PDZRN4: variants seen among roughly 807,000 people sequenced by gnomAD.
PDZRN4 encodes the protein PDZ domain-containing RING finger protein 4.
A neutral mutation model predicts 99.0 loss-of-function variants in PDZRN4; 70 were observed. That is an observed-to-expected ratio of 0.71 (90% confidence interval 0.58 to 0.86). The LOEUF (loss-of-function observed/expected upper bound fraction) is 0.86, where lower values mean the gene tolerates loss of function less well. Ranked by LOEUF, PDZRN4 falls within the 40% of genes least tolerant of loss-of-function variation. PDZRN4 has a pLI of 0.00. For synonymous variants in PDZRN4, 551 were observed against 501.6 expected (o/e 1.10, Z -1.32); for missense variants, 1,474 against 1,331.2 (o/e 1.11, Z -1.67).
At chr12:41,227,913 ACACACAC>A (rs1231838843) in intron 3 of PDZRN4, among the ~76,000 whole-genome samples, 1 of 114,972 alleles carries the variant, frequency 8.7e-6, no homozygotes, top group Non-Finnish European at 1.8e-5. Context: ...ACACACACAC[ACACACAC>A]CAGAAGGGTT....
rs562897836 is a variant in PDZRN4 at position 41,305,638 on chromosome 12, A to G, written c.843+111450A>G. 1.3e-4 allele frequency among the ~76,000 whole-genome samples: 20 copies of G among 152,206 alleles called. No homozygotes were observed. The East Asian group carries it at 3.9e-3, about 29-fold the overall frequency. The stretch of plus-strand genomic sequence containing the variant: ...ATGGTCACTCCATCCACAGGACCTC[A>G]TCTAAACCTAATTACCTCCAAAAAG... On this transcript the variant is annotated intron_variant, in intron 3 of 9. Transcript: ENST00000402685.
intron 5 of PDZRN4, among the ~76,000 whole-genome samples, chr12:41,521,415 A>T (rs1938491052): frequency 6.6e-6 from 1 of 152,144 alleles, no homozygotes; most frequent in African/African-American, 2.4e-5. Flanking sequence ...AAAAAAAGTT[A>T]TACATTGTAT....
chr12:41,543,578 T>C (rs1055839658), intron 5 of PDZRN4, among the ~76,000 whole-genome samples: 1 of 152,204 alleles, frequency 6.6e-6, no homozygotes, highest in Non-Finnish European at 1.5e-5. Context: ...CAAAGGTTTA[T>C]TGTTTTAGAT....
chr12:41,518,433 T>G (rs1445681946), intron 5 of PDZRN4, among the ~76,000 whole-genome samples: 1 of 152,068 alleles, frequency 6.6e-6, no homozygotes, highest in Non-Finnish European at 1.5e-5. Context: ...TCAGCAATTT[T>G]TCCAGATTTT....
chr12:41,323,618 A>G (rs549597673), intron 3 of PDZRN4, among the ~76,000 whole-genome samples: 5 of 152,124 alleles, frequency 3.3e-5, no homozygotes, highest in African/African-American at 1.2e-4. Context: ...ATTTTATATA[A>G]TTTGAAATAT....
intron 3 of PDZRN4, among the ~76,000 whole-genome samples, chr12:41,363,543 A>G (rs6582331): frequency 0.99 from 149,841 of 152,108 alleles, 73,853 homozygotes; most frequent in Middle Eastern, 1. Flanking sequence ...CATCTGTTCC[A>G]GATGCATCTG....
chr12:41,257,486 T>A lies in PDZRN4; in HGVS notation c.843+63298T>A, dbSNP rs1011032304. Among the ~76,000 whole-genome samples, 28 of 152,114 alleles carry A rather than the reference T, an allele frequency of 1.8e-4. 1 individual carries two copies. Among genetic ancestry groups the A allele is most frequent in the African/African-American group, 6.8e-4 (28 of 41,410 alleles). On this transcript the variant is annotated intron_variant, in intron 3 of 9. Coordinates refer to ENST00000402685, the MANE Select transcript of PDZRN4 (RefSeq NM_001164595.2). The stretch of plus-strand genomic sequence containing the variant: ...AGATTTAGAACATAGCAATGGTGAG[T>A]CAACTGCACAGGAGAGGTAACTGAA...
intron 3 of PDZRN4, among the ~76,000 whole-genome samples, chr12:41,295,826 A>C (rs531548708): frequency 5.3e-4 from 81 of 152,306 alleles, no homozygotes; most frequent in South Asian, 6.2e-4. Flanking sequence ...TGGGTGGAAG[A>C]ATGGTGAAAT....
chr12:41,488,128 C>CT (rs1416323474), intron 3 of PDZRN4, among the ~76,000 whole-genome samples: 1 of 152,138 alleles, frequency 6.6e-6, no homozygotes, highest in Non-Finnish European at 1.5e-5. Context: ...GTATCACTGC[C>CT]TTTTAGCCGT....
Position 41,188,326 on chromosome 12 carries a change from C to T in PDZRN4, c.-130C>T. The stretch of plus-strand genomic sequence containing the variant: ...AAGCCAAACAAACAGTGAGATCACA[C>T]CTCCCACCCGCCACCTCCCTCCACT... On this transcript the variant is annotated 5_prime_UTR_variant, in exon 1 of 10. Transcript: ENST00000402685. The T allele has an allele frequency of 1.1e-5, 9 of 802,608 alleles. No homozygotes were observed. The South Asian group carries it at 1.3e-4, about 12-fold the overall frequency. 49.7% of individuals were successfully genotyped at this position (802,608 alleles called of 1,614,324 possible).
chr12:41,378,003 A>T (rs374230730), intron 3 of PDZRN4, among the ~76,000 whole-genome samples: 73 of 152,282 alleles, frequency 4.8e-4, no homozygotes, highest in South Asian at 2.9e-3. Flanking sequence ...TATCGCTAGA[A>T]TTTCCAGTAC....
intron 3 of PDZRN4, among the ~76,000 whole-genome samples, chr12:41,319,580 C>T (rs1443467087): frequency 1.3e-5 from 2 of 152,138 alleles, no homozygotes; most frequent in Non-Finnish European, 2.9e-5. Context: ...AAATCTCTTT[C>T]CTCCTCCTTT....
rs890914593 is a variant in PDZRN4, at chr12:41,303,139, A to T, written c.843+108951A>T. 5.3e-5 allele frequency among the ~76,000 whole-genome samples: 8 copies of T among 152,250 alleles called. No homozygotes were observed. In the East Asian group the frequency reaches 1.5e-3, roughly 29 times the overall value. On this transcript the variant is annotated intron_variant, in intron 3 of 9. Coordinates refer to ENST00000402685, the MANE Select transcript of PDZRN4 (RefSeq NM_001164595.2). ...CACATGATCTCATGGCAGGATAAAGACGGTCTTCAGGGAGACTCCACAGTA... is the reference window on the plus strand; with the variant it reads ...CACATGATCTCATGGCAGGATAAAGTCGGTCTTCAGGGAGACTCCACAGTA...
At chr12:41,346,393 C>A (rs1352599326) in intron 3 of PDZRN4, among the ~76,000 whole-genome samples, 4 of 152,076 alleles carry the variant, frequency 2.6e-5, no homozygotes, top group Admixed American at 2.6e-4. Flanking sequence ...ACCTGGGAGG[C>A]GGAGCTTGCA....
chr12:41,411,102 T>C (rs1232518792), intron 3 of PDZRN4, among the ~76,000 whole-genome samples: 2 of 151,420 alleles, frequency 1.3e-5, no homozygotes, highest in East Asian at 3.9e-4. Flanking sequence ...TGTCCCACTA[T>C]GTTGTCCAGA....
At chr12:41,223,331 T>C (rs1364935492) in intron 3 of PDZRN4, among the ~76,000 whole-genome samples, 1 of 152,128 alleles carries the variant, frequency 6.6e-6, no homozygotes, top group Non-Finnish European at 1.5e-5. Context: ...TCAGTAAAAT[T>C]TTCTAAATTC....
intron 4 of PDZRN4, among the ~76,000 whole-genome samples, chr12:41,508,939 C>CT (rs1938256356): frequency 6.6e-6 from 1 of 152,110 alleles, no homozygotes; most frequent in Non-Finnish European, 1.5e-5. Flanking sequence ...TGTATTTAGG[C>CT]TTTTTCAGTG....
At chr12:41,198,822 T>C (rs1408841256) in intron 3 of PDZRN4, among the ~76,000 whole-genome samples, 1 of 152,120 alleles carries the variant, frequency 6.6e-6, no homozygotes, top group Non-Finnish European at 1.5e-5. Context: ...GCACTTTCCA[T>C]TAAGTGCTGT....
chr12:41,459,935 A>G, intron 3 of PDZRN4: 1 of 1,264,446 alleles, frequency 7.9e-7, no homozygotes, highest in South Asian at 1.3e-5. Flanking sequence ...AGGAGAAAAA[A>G]TGACCTTTGT....
Sources: gnomAD v4.1 joint callset for allele counts (sites outside exome capture counted in the v4.1 genomes callset) on GRCh38, gnomAD v4.1.1 for gene constraint, MANE v1.5 for transcripts, NCBI Gene and HGNC (gene_info 2026-07-23, HGNC 2026-07-21) for gene names.